Variants in PPFIA2 observed in about 807,000 individuals in gnomAD.
PPFIA2 encodes PPFI scaffold protein A2.
A neutral mutation model predicts 175.5 loss-of-function variants in PPFIA2; 46 were observed. The ratio of observed to expected loss-of-function variants is 0.26; its 90% CI spans 0.21 to 0.34. The LOEUF is 0.34. Among genes scored for constraint, PPFIA2 ranks in the 10% least tolerant of loss-of-function variants. The probability of loss-of-function intolerance (pLI) is 1.00; values close to 1 mark genes in which losing one functional copy is unlikely to be tolerated. For synonymous variants in PPFIA2, 568 were observed against 511.4 expected (o/e 1.11, Z -1.49); for missense variants, 1,179 against 1,506.1 (o/e 0.78, Z 3.60).
At chr12:81,319,138 G>A (rs561428110) in intron 22 of PPFIA2, among the ~76,000 whole-genome samples, 1 of 151,710 alleles carries the variant, frequency 6.6e-6, no homozygotes, top group East Asian at 1.9e-4. Flanking sequence ...GCCAGCACAG[G>A]GCTTCTGTTC....
chr12:81,315,514 A>G (rs2052123802), intron 22 of PPFIA2, among the ~76,000 whole-genome samples: 1 of 151,700 alleles, frequency 6.6e-6, no homozygotes, highest in South Asian at 2.1e-4. Flanking sequence ...ATGATAGAAG[A>G]AAAAGTTCAT....
chr12:81,476,295 G>A (rs2057469963), intron 4 of PPFIA2, among the ~76,000 whole-genome samples: 1 of 152,156 alleles, frequency 6.6e-6, no homozygotes, highest in South Asian at 2.1e-4. Context: ...GGTTTTTGTA[G>A]TGAGAAGTCT....
chr12:81,574,563 T>TA (rs1186612114), intron 4 of PPFIA2, among the ~76,000 whole-genome samples: 1 of 151,770 alleles, frequency 6.6e-6, no homozygotes, highest in Non-Finnish European at 1.5e-5. Flanking sequence ...TTGAATGCAA[T>TA]AAAAAATTGC....
chr12:81,440,113 T>C, intron 6 of PPFIA2, 67 bp from the exon 7 acceptor site: 1 of 1,164,150 alleles, frequency 8.6e-7, no homozygotes. Flanking sequence ...GCTGAATCCA[T>C]AATTAACATC....
intron 3 of PPFIA2, among the ~76,000 whole-genome samples, chr12:81,723,748 T>C (rs1481276213): frequency 1.3e-5 from 2 of 150,942 alleles, no homozygotes; most frequent in African/African-American, 2.4e-5. Flanking sequence ...CACTCTAGAA[T>C]TTCTGTCTAC....
At chr12:81,390,090 G>A (rs976326833) in intron 8 of PPFIA2, among the ~76,000 whole-genome samples, 1 of 151,930 alleles carries the variant, frequency 6.6e-6, no homozygotes, top group Admixed American at 6.6e-5. Flanking sequence ...TTTGAATTTC[G>A]TTCAAGTACC....
chr12:81,742,729 A>G lies in PPFIA2; in HGVS notation c.249+11244T>C, dbSNP rs1160407978. On this transcript the variant is annotated intron_variant, in intron 3 of 32. Transcript: ENST00000549396. Reference sequence around the variant, plus strand: ...ATAGAGATAGAAAAAGACAAGGTTCAGGATCCTGGCCCTGGAGTAATCAAG... The same window carrying G: ...ATAGAGATAGAAAAAGACAAGGTTCGGGATCCTGGCCCTGGAGTAATCAAG... Among the ~76,000 whole-genome samples, 3 of 152,202 alleles carry G rather than the reference A, an allele frequency of 2.0e-5. No individual in the cohort carries two copies. The East Asian group carries it at 5.8e-4, about 29-fold the overall frequency.
chr12:81,462,903 T>A lies in PPFIA2; in HGVS notation c.304-5037A>T, dbSNP rs183507028. ...GCTTTGGGCCTATTGCTCTGAATAATTCATGCATTTAAATTTATCATTTGT... is the reference window on the plus strand; with the variant it reads ...GCTTTGGGCCTATTGCTCTGAATAAATCATGCATTTAAATTTATCATTTGT... On this transcript the variant is annotated intron_variant, in intron 4 of 32. Coordinates refer to ENST00000549396, the MANE Select transcript of PPFIA2 (RefSeq NM_003625.5). Among the ~76,000 whole-genome samples, 22 of 152,108 alleles carry A rather than the reference T, an allele frequency of 1.4e-4. No homozygotes were observed. In the East Asian group the frequency reaches 4.1e-3, roughly 28 times the overall value.
intron 3 of PPFIA2, among the ~76,000 whole-genome samples, chr12:81,718,628 TCTTTGAAGATAA>T (rs1567989780): frequency 6.6e-6 from 1 of 151,700 alleles, no homozygotes; most frequent in African/African-American, 2.4e-5. Flanking sequence ...GTGGAAAATC[TCTTTGAAGATAA>T]AAGACAAGGA....
At chr12:81,334,330 T>A (rs1181381773) in intron 21 of PPFIA2, among the ~76,000 whole-genome samples, 1 of 152,174 alleles carries the variant, frequency 6.6e-6, no homozygotes, top group Non-Finnish European at 1.5e-5. Flanking sequence ...CTATCTTTGC[T>A]AAAGTGAAAA....
intron 4 of PPFIA2, among the ~76,000 whole-genome samples, chr12:81,575,692 C>T (rs888474511): frequency 4.6e-5 from 7 of 151,530 alleles, no homozygotes; most frequent in Admixed American, 2.6e-4. Flanking sequence ...ACCTATAAAA[C>T]AGAGGAACAT....
rs114305132 is a variant in PPFIA2 at position 81,455,767 on chromosome 12, G to A, written c.405+1998C>T. Among the ~76,000 whole-genome samples, 599 of 152,272 alleles carry A rather than the reference G, an allele frequency of 3.9e-3. 3 individuals are homozygous for A. The highest frequency in any genetic ancestry group is 0.013 in the African/African-American group (557 of 41,548). On this transcript the variant is annotated intron_variant, in intron 5 of 32. Coordinates refer to ENST00000549396, the MANE Select transcript of PPFIA2 (RefSeq NM_003625.5). ...CTGTAGTAAGTCTTTGAGTAATAAT[G>A]CTGATGGCCTCATGGTTAGTGCACA... is the stretch of plus-strand genomic sequence containing the variant.
intron 4 of PPFIA2, among the ~76,000 whole-genome samples, chr12:81,566,533 A>AGG (rs1485447118): frequency 6.3e-5 from 9 of 141,888 alleles, no homozygotes; most frequent in African/African-American, 2.6e-4. Flanking sequence ...TCCAACTCAA[A>AGG]AAAAAAAAAA....
At chr12:81,460,242 T>A (rs2054290255) in intron 4 of PPFIA2, among the ~76,000 whole-genome samples, 1 of 151,996 alleles carries the variant, frequency 6.6e-6, no homozygotes, top group African/African-American at 2.4e-5. Flanking sequence ...TGATTGTGAG[T>A]AAGTTTGAGA....
chr12:81,653,263 G>C (rs1172660938), intron 4 of PPFIA2, among the ~76,000 whole-genome samples: 1 of 152,066 alleles, frequency 6.6e-6, no homozygotes, highest in Non-Finnish European at 1.5e-5. Flanking sequence ...GACTCCTACA[G>C]GACCTAGCAT....
intron 3 of PPFIA2, among the ~76,000 whole-genome samples, chr12:81,693,871 T>C (rs1466963259): frequency 2.6e-5 from 4 of 152,162 alleles, no homozygotes; most frequent in Admixed American, 6.5e-5. Flanking sequence ...ACACATGTTA[T>C]GCCTTAGCAA....
intron 3 of PPFIA2, among the ~76,000 whole-genome samples, chr12:81,703,133 T>C (rs2076691618): frequency 3.3e-5 from 5 of 152,270 alleles, no homozygotes; most frequent in Admixed American, 2.6e-4. Flanking sequence ...GAGGGGTTTC[T>C]ACCCAGTTTC....
At chr12:81,328,247 C>T (rs920230538) in intron 21 of PPFIA2, among the ~76,000 whole-genome samples, 1 of 152,142 alleles carries the variant, frequency 6.6e-6, no homozygotes, top group African/African-American at 2.4e-5. Context: ...GAGTCTGTCT[C>T]ATTCTTGTCT....
chr12:81,549,030 G>A (rs1371700536), intron 4 of PPFIA2, among the ~76,000 whole-genome samples: 1 of 152,046 alleles, frequency 6.6e-6, no homozygotes, highest in East Asian at 1.9e-4. Flanking sequence ...TTTCCTGCAA[G>A]AGAAATAAAT....
Sources: allele counts gnomAD v4.1 joint callset (sites outside exome capture counted in the v4.1 genomes callset), GRCh38; gene constraint gnomAD v4.1.1; transcripts MANE v1.5; gene names NCBI Gene and HGNC (gene_info 2026-07-23, HGNC 2026-07-21).